The following PLCXD3 variants were observed in gnomAD, a reference collection of about 807,000 sequenced individuals.
PLCXD3 encodes PI-PLC X domain-containing protein 3.
Under a neutral mutation model 25.5 loss-of-function variants are expected in PLCXD3, and 19 were observed. The observed-to-expected ratio is 0.75, with a 90% confidence interval of 0.52 to 1.09. The LOEUF (loss-of-function observed/expected upper bound fraction) is 1.09. Ranked by LOEUF, PLCXD3 falls within the 50% of genes least tolerant of loss-of-function variation. The pLI is 0.00. For missense variants in PLCXD3, 411 were observed against 388.1 expected (o/e 1.06, Z -0.50); for synonymous variants, 174 against 137.6 (o/e 1.26, Z -1.85).
At chr5:41,381,793 G>A (rs1261795496) in intron 2 of PLCXD3, 33 bp downstream of exon 2, 5 of 1,466,524 alleles carry the variant, frequency 3.4e-6, no homozygotes, top group African/African-American at 3.3e-5. Context: ...TAAATTATTT[G>A]AGGTTTCCCC....
rs1743172067 is a variant in PLCXD3 at position 41,312,734 on chromosome 5, T to TTCCTTCCTTCCTTCCTTCCG, written c.*882_*883insCGGAAGGAAGGAAGGAAGGA. 6.9e-6 allele frequency: 1 copy of TTCCTTCCTTCCTTCCTTCCG among 144,524 alleles called. No homozygotes were observed. The highest frequency in any genetic ancestry group is 2.6e-5 in the African/African-American group (1 of 38,930). The allele number at this position is 144,524 out of a possible 1,614,324, so 9.0% of individuals were successfully genotyped here. On this transcript the variant is annotated 3_prime_UTR_variant, in exon 3 of 3. Coordinates refer to ENST00000377801, the MANE Select transcript of PLCXD3 (RefSeq NM_001005473.3). ...CTTCCTTCCTTCCTTCCTTCCTTCC[T>TTCCTTCCTTCCTTCCTTCCG]TCTGTCTTTTTCTTTCATCAAGAGC...
At chr5:41,322,725 C>G (rs537961173) in intron 2 of PLCXD3, among the ~76,000 whole-genome samples, 3 of 152,318 alleles carry the variant, frequency 2.0e-5, no homozygotes, top group African/African-American at 7.2e-5. Flanking sequence ...GCCTGTAATT[C>G]TAGCACTTTG....
At position 41,457,493 on chromosome 5, in the gene PLCXD3, C is replaced by T. The variant is rs572081880; in HGVS notation, c.103+52931G>A. On this transcript the variant is annotated intron_variant, in intron 1 of 2. Transcript: ENST00000377801. Reference sequence around the variant, plus strand: ...AGATGATTGGAACCCAGGAGTACACCCTTCCCCAGCATAACCTGCATGTAG... The same window carrying T: ...AGATGATTGGAACCCAGGAGTACACTCTTCCCCAGCATAACCTGCATGTAG... 3.9e-5 allele frequency among the ~76,000 whole-genome samples: 6 copies of T among 151,922 alleles called. No individual in the cohort carries two copies. The East Asian group carries it at 1.2e-3, about 30-fold the overall frequency.
intron 2 of PLCXD3, among the ~76,000 whole-genome samples, chr5:41,335,768 T>A (rs1435613293): frequency 6.6e-6 from 1 of 152,080 alleles, no homozygotes; most frequent in Non-Finnish European, 1.5e-5. Context: ...ATATGGTCCC[T>A]GACTTGACTA....
At chr5:41,342,668 T>C (rs73075981) in intron 2 of PLCXD3, among the ~76,000 whole-genome samples, 5,544 of 152,262 alleles carry the variant, frequency 0.036, 343 homozygotes, top group African/African-American at 0.13. Context: ...CTAGGTTTAG[T>C]ATATCAATAT....
At chr5:41,380,722 C>T (rs1343377356) in intron 2 of PLCXD3, among the ~76,000 whole-genome samples, 2 of 152,114 alleles carry the variant, frequency 1.3e-5, no homozygotes, top group Non-Finnish European at 2.9e-5. Context: ...AACATTCATG[C>T]TGTGTCTCTT....
At chr5:41,400,784 A>G (rs1014626739) in intron 1 of PLCXD3, among the ~76,000 whole-genome samples, 3 of 152,014 alleles carry the variant, frequency 2.0e-5, no homozygotes, top group Non-Finnish European at 4.4e-5. Flanking sequence ...TTGATAGCAC[A>G]ATAGGTTGAC....
At chr5:41,482,552 T>C (rs1382385333) in intron 1 of PLCXD3, among the ~76,000 whole-genome samples, 4 of 152,118 alleles carry the variant, frequency 2.6e-5, no homozygotes, top group African/African-American at 9.7e-5. Context: ...AAGAAAGTAA[T>C]GTGATTTGGC....
rs112072555 is a variant in PLCXD3, at chr5:41,427,254, T to G, written c.104-44720A>C. Among the ~76,000 whole-genome samples the G allele has an allele frequency of 5.1e-3, 781 of 152,258 alleles. 4 individuals are homozygous for G. Among genetic ancestry groups the G allele is most frequent in the African/African-American group, 0.018 (739 of 41,572 alleles). On this transcript the variant is annotated intron_variant, in intron 1 of 2. Transcript: ENST00000377801. ...AAATCCTATTAGCTCTACTCATGAC[T>G]CTTATCCTCTAGTTTGTATTCCATC...
At chr5:41,422,208 A>C (rs1199241775) in intron 1 of PLCXD3, among the ~76,000 whole-genome samples, 1 of 152,180 alleles carries the variant, frequency 6.6e-6, no homozygotes, top group East Asian at 1.9e-4. Context: ...TCTTTCCTAT[A>C]AATAACTTCC....
At chr5:41,476,149 T>C (rs1748278266) in intron 1 of PLCXD3, among the ~76,000 whole-genome samples, 1 of 152,216 alleles carries the variant, frequency 6.6e-6, no homozygotes, top group African/African-American at 2.4e-5. Flanking sequence ...AGTTGAACCA[T>C]CCTAAGCTGA....
At chr5:41,491,622 G>A (rs56168149) in intron 1 of PLCXD3, among the ~76,000 whole-genome samples, 35,537 of 151,446 alleles carry the variant, frequency 0.23, 4,167 homozygotes, top group East Asian at 0.28. Context: ...GTGCTCCTGT[G>A]TTGGGTGCAT....
intron 1 of PLCXD3, among the ~76,000 whole-genome samples, chr5:41,462,233 A>G (rs1035370095): frequency 6.6e-6 from 1 of 152,082 alleles, no homozygotes; most frequent in Non-Finnish European, 1.5e-5. Context: ...CAAGCAATTC[A>G]GCCTAAAAAC....
At chr5:41,331,752 C>T (rs1452046107) in intron 2 of PLCXD3, among the ~76,000 whole-genome samples, 2 of 152,038 alleles carry the variant, frequency 1.3e-5, no homozygotes, top group East Asian at 1.9e-4. Flanking sequence ...GAGATATAGA[C>T]CAATGGAACA....
At chr5:41,366,338 G>A (rs925728064) in intron 2 of PLCXD3, among the ~76,000 whole-genome samples, 1 of 152,182 alleles carries the variant, frequency 6.6e-6, no homozygotes, top group African/African-American at 2.4e-5. Flanking sequence ...GAAAACATGA[G>A]GTTCAGAGCA....
intron 1 of PLCXD3, among the ~76,000 whole-genome samples, chr5:41,503,161 T>A (rs1181129148): frequency 6.6e-6 from 1 of 152,190 alleles, no homozygotes; most frequent in African/African-American, 2.4e-5. Flanking sequence ...GGACTGCAAG[T>A]GCAGTCCACT....
chr5:41,437,094 C>G (rs1295251219), intron 1 of PLCXD3, among the ~76,000 whole-genome samples: 1 of 152,182 alleles, frequency 6.6e-6, no homozygotes, highest in East Asian at 1.9e-4. Context: ...AGACTCTGTA[C>G]TTATTTCCTC....
rs112385091 is a variant in PLCXD3 at position 41,440,545 on chromosome 5, T to A, written c.104-58011A>T. Among the ~76,000 whole-genome samples, 691 of 152,178 alleles carry A rather than the reference T, an allele frequency of 4.5e-3. 3 individuals are homozygous for A. Among genetic ancestry groups the A allele is most frequent in the African/African-American group, 0.015 (642 of 41,524 alleles). ...GCCAGGCCCAGCAAAATACATAATC[T>A]CTAATGGCTCAGTTTTTGAATCCAT... is the stretch of plus-strand genomic sequence containing the variant. On this transcript the variant is annotated intron_variant, in intron 1 of 2. Coordinates refer to ENST00000377801, the MANE Select transcript of PLCXD3 (RefSeq NM_001005473.3).
intron 1 of PLCXD3, among the ~76,000 whole-genome samples, chr5:41,481,121 A>G (rs1344270186): frequency 1.3e-5 from 2 of 151,160 alleles, no homozygotes; most frequent in Non-Finnish European, 3.0e-5. Context: ...AAAAAAAAAA[A>G]AAAAAAGAAA....
Sources: gnomAD v4.1 joint callset for allele counts (sites outside exome capture counted in the v4.1 genomes callset) on GRCh38, gnomAD v4.1.1 for gene constraint, MANE v1.5 for transcripts, NCBI Gene and HGNC (gene_info 2026-07-23, HGNC 2026-07-21) for gene names.